ELF4: variants seen among roughly 807,000 people sequenced by gnomAD.
ELF4 encodes E74 like ETS transcription factor 4.
Under a neutral mutation model 31.7 loss-of-function variants are expected in ELF4, and 10 were observed. That is an observed-to-expected ratio of 0.32 (90% CI 0.19 to 0.54). The LOEUF (loss-of-function observed/expected upper bound fraction) is 0.54, where lower values mean the gene tolerates loss of function less well. Ranked by LOEUF, ELF4 falls within the 20% of genes least tolerant of loss-of-function variation. The probability of loss-of-function intolerance (pLI) is 0.95; values close to 1 mark genes in which losing one functional copy is unlikely to be tolerated. For synonymous variants in ELF4, 208 were observed against 226.7 expected, an observed-to-expected ratio of 0.92 and a Z score of 0.74; for missense variants, 418 against 522.0, an observed-to-expected ratio of 0.80 and a Z score of 1.94.
At position 130,074,151 on chromosome X, in the gene ELF4, G is replaced by A. The variant is rs1267502439; in HGVS notation, c.248-10C>T. ...GTGGCCTCATTGTCATCTGGTCCGG[G>A]TTCCATGGTGGGAGGAGAGAAGAAA... is the stretch of plus-strand genomic sequence containing the variant. On this transcript the variant is annotated splice_polypyrimidine_tract_variant and intron_variant, in intron 3 of 8. Transcript: ENST00000308167. 8.3e-7 allele frequency: 1 copy of A among 1,210,675 alleles called. No homozygotes were observed.
chrX:130,108,484 C>T (rs761149300), intron 1 of ELF4, among the ~76,000 whole-genome samples: 7 of 111,432 alleles, frequency 6.3e-5, no homozygotes, highest in East Asian at 2.8e-4. Context: ...TGGGTCTGTG[C>T]GGCACAGGGC....
rs773236733 is a variant in ELF4, at chrX:130,084,142, C to T, written c.-209-2603G>A. Among the ~76,000 whole-genome samples the T allele has an allele frequency of 2.7e-5, 3 of 112,274 alleles. No individual in the cohort carries two copies. In the East Asian group the frequency reaches 8.3e-4, roughly 31 times the overall value. On this transcript the variant is annotated intron_variant, in intron 1 of 8. Transcript: ENST00000308167. ...TGTCCCAAGCGTGGAGACGTGTGCA[C>T]GAGAGCCTCTGTGTGTCAAAGGGCT...
Position 130,069,487 on chromosome X carries a change from C to T in ELF4, c.1000G>A (p.Val334Ile). Residue 334 changes from valine (V) to isoleucine (I), a missense_variant, in exon 8 of 9, where the codon GTC (valine) becomes ATC (isoleucine). Physicochemically the swap from Val to Ile is conservative, Grantham distance 29. Coordinates refer to ENST00000308167, the MANE Select transcript of ELF4 (RefSeq NM_001421.4). ...CCCTGGGGGGCAGATCTGGATGAGA[C>T]CCTGGAGCTGGTTCGCCGGGTGGTA... ...ASTTRRTSSR[V>I]SSRSAPQGKG... 1 of 1,212,437 alleles carries T rather than the reference C, an allele frequency of 8.2e-7. No individual in the cohort carries two copies. The highest frequency in any genetic ancestry group is 3.0e-5 in the East Asian group (1 of 33,878).
Position 130,066,643 on chromosome X carries a change from G to A in ELF4, c.*78C>T, listed in dbSNP as rs1209952175. On this transcript the variant is annotated 3_prime_UTR_variant, in exon 9 of 9. Coordinates refer to ENST00000308167, the MANE Select transcript of ELF4 (RefSeq NM_001421.4). The stretch of plus-strand genomic sequence containing the variant: ...ACATCCCACTGAAATGCAGGGGCAG[G>A]TGTGCTACTGAAGTCGGTCCCTATG... 4.9e-6 allele frequency: 5 copies of A among 1,011,161 alleles called. No homozygotes were observed. The highest frequency in any genetic ancestry group is 6.9e-6 in the Non-Finnish European group (5 of 721,501). 83.3% of individuals were successfully genotyped at this position (1,011,161 alleles called of 1,213,427 possible).
At chrX:130,086,285 C>T (rs1194301013) in intron 1 of ELF4, among the ~76,000 whole-genome samples, 2 of 112,304 alleles carry the variant, frequency 1.8e-5, no homozygotes, top group Admixed American at 1.9e-4. Context: ...CAGTTTCCTT[C>T]CTTGCTCCTC....
At chrX:130,074,560 C>A in intron 3 of ELF4, 21 bp downstream of exon 3, 3 of 1,211,748 alleles carry the variant, frequency 2.5e-6, no homozygotes, top group Non-Finnish European at 3.4e-6. Flanking sequence ...CACACCTTCT[C>A]TGCCCAGGAA....
intron 1 of ELF4, among the ~76,000 whole-genome samples, chrX:130,105,641 C>CTT (rs201945597): frequency 0.012 from 1,303 of 111,713 alleles, 14 homozygotes; most frequent in Middle Eastern, 0.028. Flanking sequence ...TGAAACTCTA[C>CTT]ATTCTTCATT....
intron 1 of ELF4, among the ~76,000 whole-genome samples, chrX:130,088,827 G>A (rs927558234): frequency 1.8e-5 from 2 of 112,042 alleles, no homozygotes; most frequent in Non-Finnish European, 3.8e-5. Context: ...TTATTGAAGG[G>A]ACAGTGTTCT....
At chrX:130,089,477 T>G (rs1933014034) in intron 1 of ELF4, among the ~76,000 whole-genome samples, 1 of 74,554 alleles carries the variant, frequency 1.3e-5, no homozygotes, top group Non-Finnish European at 2.3e-5. Context: ...CCACTGCACT[T>G]CAGCCAGGGC....
intron 2 of ELF4, among the ~76,000 whole-genome samples, chrX:130,078,761 CTA>C (rs1932858278): frequency 1.4e-5 from 1 of 70,652 alleles, no homozygotes; most frequent in Non-Finnish European, 2.7e-5. Context: ...CTCTCTCTCT[CTA>C]CACACACACA....
At chrX:130,075,615 C>T (rs954780651) in intron 2 of ELF4, among the ~76,000 whole-genome samples, 6 of 111,687 alleles carry the variant, frequency 5.4e-5, no homozygotes, top group Non-Finnish European at 7.5e-5. Flanking sequence ...TGGTTTAACC[C>T]GTGGCCAGGT....
At chrX:130,082,205 T>C (rs1331240117) in intron 1 of ELF4, among the ~76,000 whole-genome samples, 1 of 109,981 alleles carries the variant, frequency 9.1e-6, no homozygotes, top group Non-Finnish European at 1.9e-5. Context: ...TTGTATTGTG[T>C]GAGGACCAGC....
At chrX:130,071,496 A>C in intron 5 of ELF4, 77 bp from the exon 6 acceptor site, 1 of 1,008,385 alleles carries the variant, frequency 9.9e-7, no homozygotes, top group Non-Finnish European at 1.4e-6. Flanking sequence ...GGCTGTGACA[A>C]AGCCAACAAG....
rs184748218 is a variant in ELF4 at position 130,064,163 on chromosome X, C to A, written c.*2558G>T. 3.0e-3 allele frequency among the ~76,000 whole-genome samples: 327 copies of A among 110,810 alleles called. 1 individual carries two copies. Among genetic ancestry groups the A allele is most frequent in the Non-Finnish European group, 4.9e-3 (260 of 52,961 alleles). ...ATTTAAAAATCCATTGTTGGCCAGC[C>A]GTGGTTGCTCACGCCTGTAATCCCA... On this transcript the variant is annotated 3_prime_UTR_variant, in exon 9 of 9. Transcript: ENST00000308167.
chrX:130,077,554 A>G (rs1288446802), intron 2 of ELF4, among the ~76,000 whole-genome samples: 1 of 112,431 alleles, frequency 8.9e-6, no homozygotes, highest in African/African-American at 3.2e-5. Context: ...TTGGCCTCCC[A>G]AAGTGCTGGG....
At chrX:130,072,180 G>GC in intron 5 of ELF4, 46 bp downstream of exon 5, 9 of 580,896 alleles carry the variant, frequency 1.5e-5, no homozygotes, top group South Asian at 2.2e-5. Context: ...CCCACGCCCC[G>GC]CCCATCCCCT....
At chrX:130,111,109 G>A (rs2124637805), upstream of ELF4, among the ~76,000 whole-genome samples, 1 of 108,655 alleles carries the variant, frequency 9.2e-6, no homozygotes, top group South Asian at 3.9e-4. Context: ...GGGGAGCCGT[G>A]CCAGGGGCCC....
At chrX:130,071,537 C>T in intron 5 of ELF4, 118 bp from the exon 6 acceptor site, 2 of 686,166 alleles carry the variant, frequency 2.9e-6, no homozygotes, top group Middle Eastern at 9.1e-4. Context: ...CTGGAGGCCC[C>T]AGATCGCTCT....
intron 2 of ELF4, among the ~76,000 whole-genome samples, chrX:130,075,501 C>T (rs1325456145): frequency 9.0e-6 from 1 of 110,766 alleles, no homozygotes; most frequent in Non-Finnish European, 1.9e-5. Flanking sequence ...TGGTCTCGAT[C>T]TCCTGACCTC....
Sources: allele counts gnomAD v4.1 joint callset (sites outside exome capture counted in the v4.1 genomes callset), GRCh38; gene constraint gnomAD v4.1.1; transcripts MANE v1.5; gene names NCBI Gene and HGNC (gene_info 2026-07-23, HGNC 2026-07-21).